PARD3B: variants seen among roughly 807,000 people sequenced by gnomAD.
The protein encoded by PARD3B is par-3 family cell polarity regulator beta, also known as partitioning defective 3 homolog B.
PARD3B carries 103 observed loss-of-function variants against 130.2 expected under a neutral mutation model. That is an observed-to-expected ratio of 0.79 (90% CI 0.67 to 0.93). The LOEUF is 0.93. Ranked by LOEUF, PARD3B falls within the 40% of genes least tolerant of loss-of-function variation. The pLI is 0.00. For synonymous variants in PARD3B, 583 were observed against 553.2 expected, an observed-to-expected ratio of 1.05 and a Z score of -0.76; for missense variants, 1,609 against 1,499.2, an observed-to-expected ratio of 1.07 and a Z score of -1.21.
At chr2:205,234,652 G>A (rs1240015675) in intron 15 of PARD3B, among the ~76,000 whole-genome samples, 1 of 151,982 alleles carries the variant, frequency 6.6e-6, no homozygotes, top group Non-Finnish European at 1.5e-5. Context: ...AAATCAATAA[G>A]GCTATAGAAG....
At chr2:204,793,852 T>C (rs1307787445) in intron 2 of PARD3B, among the ~76,000 whole-genome samples, 2 of 152,200 alleles carry the variant, frequency 1.3e-5, no homozygotes, top group African/African-American at 2.4e-5. Context: ...TTCCTTTTTA[T>C]CATTACACAT....
At chr2:205,256,667 C>T (rs2040100429) in intron 16 of PARD3B, among the ~76,000 whole-genome samples, 1 of 151,916 alleles carries the variant, frequency 6.6e-6, no homozygotes, top group African/African-American at 2.4e-5. Context: ...AAACTTAAAC[C>T]ATCACATACA....
At chr2:204,708,773 T>A (rs1158160034) in intron 2 of PARD3B, among the ~76,000 whole-genome samples, 1 of 152,180 alleles carries the variant, frequency 6.6e-6, no homozygotes, top group Non-Finnish European at 1.5e-5. Flanking sequence ...TCAATATTGT[T>A]TAAGGCCAGA....
At chr2:204,852,905 G>A (rs952788404) in intron 2 of PARD3B, among the ~76,000 whole-genome samples, 1 of 152,000 alleles carries the variant, frequency 6.6e-6, no homozygotes, top group Non-Finnish European at 1.5e-5. Flanking sequence ...ATAATAAAAA[G>A]TTAACATTTT....
In PARD3B at chr2:205,440,340, C is replaced by A; in HGVS notation, c.2742-30C>A. On this transcript the variant is annotated intron_variant, in intron 19 of 22. Coordinates refer to ENST00000406610, the MANE Select transcript of PARD3B (RefSeq NM_001302769.2). The surrounding 1 kb of genome is among the most constrained non-coding windows in gnomAD (Gnocchi z 4.2). ...TGTATTATTATATGAAACTCACATA[C>A]ATCTTTGCTACCTGTACTGTATTTT... 1 of 1,596,404 alleles carries A rather than the reference C, an allele frequency of 6.3e-7. No individual in the cohort carries two copies. The highest frequency in any genetic ancestry group is 8.6e-7 in the Non-Finnish European group (1 of 1,165,862).
At chr2:204,879,357 A>G (rs1325047750) in intron 2 of PARD3B, among the ~76,000 whole-genome samples, 1 of 152,134 alleles carries the variant, frequency 6.6e-6, no homozygotes, top group Non-Finnish European at 1.5e-5. Context: ...GGATTTATGA[A>G]ACTGAAATGT....
At chr2:205,036,181 A>G (rs1348247351) in intron 3 of PARD3B, among the ~76,000 whole-genome samples, 1 of 146,262 alleles carries the variant, frequency 6.8e-6, no homozygotes, top group African/African-American at 2.5e-5. Context: ...TGGACTATAT[A>G]TACAAAATAA....
intron 3 of PARD3B, among the ~76,000 whole-genome samples, chr2:204,997,134 G>A (rs924617658): frequency 2.0e-5 from 3 of 152,110 alleles, no homozygotes; most frequent in African/African-American, 4.8e-5. Flanking sequence ...TTCAATTCTT[G>A]TAATTCCATA....
chr2:204,552,024 T>G (rs900182430), intron 1 of PARD3B, among the ~76,000 whole-genome samples: 1 of 152,226 alleles, frequency 6.6e-6, no homozygotes, highest in Non-Finnish European at 1.5e-5. Flanking sequence ...CTAGTGCAAC[T>G]GAGGAACTGA....
intron 2 of PARD3B, among the ~76,000 whole-genome samples, chr2:204,805,593 G>A: frequency 6.6e-6 from 1 of 152,070 alleles, no homozygotes; most frequent in South Asian, 2.1e-4. Flanking sequence ...ACCAAAAGCA[G>A]ACAAATACAA....
Position 205,116,707 on chromosome 2 carries a change from G to A in PARD3B, c.681-2214G>A, listed in dbSNP as rs1372401619. 2.0e-5 allele frequency among the ~76,000 whole-genome samples: 3 copies of A among 152,130 alleles called. No individual in the cohort carries two copies. Among genetic ancestry groups the A allele is most frequent in the Admixed American group, 1.3e-4 (2 of 15,260 alleles). ...TATTGGTCTGGATGAAATCAAACTG[G>A]AGGGAATCTATCCCTTCCACGGAGC... On this transcript the variant is annotated intron_variant, in intron 6 of 22. Coordinates refer to ENST00000406610, the MANE Select transcript of PARD3B (RefSeq NM_001302769.2). This position sits in a 1 kb window ranked among gnomAD's most constrained non-coding sequence, Gnocchi z 4.5.
chr2:204,965,785 AT>A (rs1180686422), intron 3 of PARD3B, among the ~76,000 whole-genome samples: 3 of 152,168 alleles, frequency 2.0e-5, no homozygotes, highest in Admixed American at 6.5e-5. Context: ...TTTTCTGATG[AT>A]TTATTCAGAC....
At chr2:205,400,648 A>T (rs369982052) in intron 18 of PARD3B, among the ~76,000 whole-genome samples, 10 of 152,206 alleles carry the variant, frequency 6.6e-5, no homozygotes, top group East Asian at 3.9e-4. Flanking sequence ...TCTCAAAAAA[A>T]AAAAATAAAA....
At chr2:205,225,454 A>G (rs2038492848) in intron 15 of PARD3B, among the ~76,000 whole-genome samples, 1 of 152,200 alleles carries the variant, frequency 6.6e-6, no homozygotes, top group African/African-American at 2.4e-5. Flanking sequence ...TCAGATTTTT[A>G]GATTTTTTTC....
intron 4 of PARD3B, among the ~76,000 whole-genome samples, chr2:205,076,166 G>C (rs1281115461): frequency 6.6e-6 from 1 of 152,090 alleles, no homozygotes; most frequent in Non-Finnish European, 1.5e-5. Flanking sequence ...TCACAGTGCA[G>C]GTTTAAAGCT....
At chr2:205,306,791 T>C (rs896177871) in intron 18 of PARD3B, among the ~76,000 whole-genome samples, 5 of 152,364 alleles carry the variant, frequency 3.3e-5, no homozygotes, top group Admixed American at 3.3e-4. Context: ...GAGTTACTGC[T>C]ACATGCACAT....
At chr2:204,766,965 C>CTTTTTTTTTTTTTTTTTTCT (rs68009060) in intron 2 of PARD3B, among the ~76,000 whole-genome samples, 6 of 114,452 alleles carry the variant, frequency 5.2e-5, no homozygotes, top group Non-Finnish European at 8.8e-5. Context: ...TTTTCTTTTT[C>CTTTTTTTTTTTTTTTTTTCT]TTTTTTTTTT....
At chr2:205,498,730 A>T (rs950022101) in intron 20 of PARD3B, among the ~76,000 whole-genome samples, 7 of 152,116 alleles carry the variant, frequency 4.6e-5, no homozygotes, top group African/African-American at 1.7e-4. Context: ...TACCTGGAAT[A>T]TCCTCCTCTC....
intron 2 of PARD3B, among the ~76,000 whole-genome samples, chr2:204,840,049 G>A (rs1230601352): frequency 6.6e-6 from 1 of 152,042 alleles, no homozygotes; most frequent in African/African-American, 2.4e-5. Context: ...GGGAAGGTAA[G>A]GGATTTACAT....
Sources: allele counts gnomAD v4.1 joint callset (sites outside exome capture counted in the v4.1 genomes callset), GRCh38; gene constraint gnomAD v4.1.1; non-coding constraint Gnocchi (gnomAD v3.1); transcripts MANE v1.5; gene names NCBI Gene and HGNC (gene_info 2026-07-23, HGNC 2026-07-21).